Variants in CTNNA2 observed in about 807,000 individuals in gnomAD.
CTNNA2 encodes catenin alpha 2, also known as catenin alpha-2.
CTNNA2 carries 42 observed loss-of-function variants against 101.0 expected under a neutral mutation model. That is an observed-to-expected ratio of 0.42 (90% confidence interval 0.32 to 0.54). CTNNA2 has a LOEUF of 0.54. Ranked by LOEUF, CTNNA2 falls within the 20% of genes least tolerant of loss-of-function variation. The pLI, the probability that CTNNA2 is intolerant of heterozygous loss-of-function variation, is 0.14. For missense variants in CTNNA2, 871 were observed against 1,223.1 expected, an observed-to-expected ratio of 0.71 and a Z score of 4.29; for synonymous variants, 450 against 456.4, an observed-to-expected ratio of 0.99 and a Z score of 0.18.
chr2:79,266,786 G>T (rs1674992782), intron 2 of CTNNA2, among the ~76,000 whole-genome samples: 1 of 151,970 alleles, frequency 6.6e-6, no homozygotes, highest in Admixed American at 6.6e-5. Flanking sequence ...AAGCTTTCTG[G>T]GTGATGCTCG....
At chr2:80,216,729 T>C (rs1024037720) in intron 7 of CTNNA2, among the ~76,000 whole-genome samples, 6 of 152,172 alleles carry the variant, frequency 3.9e-5, no homozygotes, top group African/African-American at 9.7e-5. Context: ...TGTTGACAAG[T>C]AATTTGTTAT....
At chr2:80,636,801 A>C (rs1292416978) in intron 18 of CTNNA2, among the ~76,000 whole-genome samples, 7 of 152,086 alleles carry the variant, frequency 4.6e-5, no homozygotes, top group African/African-American at 7.2e-5. Context: ...TTGACTCTCT[A>C]TTATCAATAT....
At chr2:80,169,513 T>C (rs1316076709) in intron 7 of CTNNA2, among the ~76,000 whole-genome samples, 2 of 152,208 alleles carry the variant, frequency 1.3e-5, no homozygotes, top group African/African-American at 4.8e-5. Context: ...TAAGATATGG[T>C]ATTTCAGTCC....
chr2:80,601,147 G>T (rs1697465827), intron 15 of CTNNA2, among the ~76,000 whole-genome samples: 1 of 152,112 alleles, frequency 6.6e-6, no homozygotes. Context: ...ATTCTCGTAT[G>T]TATAAGCCTA....
chr2:80,274,693 G>T (rs569061542), intron 7 of CTNNA2, among the ~76,000 whole-genome samples: 1 of 152,192 alleles, frequency 6.6e-6, no homozygotes, highest in African/African-American at 2.4e-5. Flanking sequence ...CCTTTCTACA[G>T]GCTAGCTACA....
intron 2 of CTNNA2, among the ~76,000 whole-genome samples, chr2:79,221,982 T>C (rs934194017): frequency 3.9e-5 from 6 of 152,086 alleles, no homozygotes; most frequent in Non-Finnish European, 5.9e-5. Context: ...AATGAGGCCT[T>C]TTCTGTGTCC....
At chr2:80,507,986 G>A (rs1396144476) in intron 9 of CTNNA2, among the ~76,000 whole-genome samples, 4 of 152,132 alleles carry the variant, frequency 2.6e-5, no homozygotes, top group Admixed American at 6.6e-5. Flanking sequence ...ATCCTGGAGA[G>A]GCCCAGACCT....
chr2:80,153,426 C>A (rs1039638728), intron 7 of CTNNA2, among the ~76,000 whole-genome samples: 2 of 152,168 alleles, frequency 1.3e-5, no homozygotes, highest in Non-Finnish European at 2.9e-5. Flanking sequence ...AAACCTAATG[C>A]CTCACACTGA....
chr2:79,656,410 G>T (rs985657476), intron 2 of CTNNA2, among the ~76,000 whole-genome samples: 1 of 152,172 alleles, frequency 6.6e-6, no homozygotes, highest in East Asian at 1.9e-4. Flanking sequence ...AATATGCAAT[G>T]ATACAGTTTG....
intron 18 of CTNNA2, among the ~76,000 whole-genome samples, chr2:80,635,564 C>T (rs1672783735): frequency 6.6e-6 from 1 of 152,114 alleles, no homozygotes; most frequent in Non-Finnish European, 1.5e-5. Flanking sequence ...TAGTTAAGAG[C>T]TCATTCGTTA....
intron 7 of CTNNA2, among the ~76,000 whole-genome samples, chr2:79,976,119 A>G (rs931476535): frequency 2.0e-5 from 3 of 152,226 alleles, no homozygotes; most frequent in African/African-American, 7.2e-5. Context: ...TAGGAACTAC[A>G]TGTCAGGAAA....
intron 9 of CTNNA2, among the ~76,000 whole-genome samples, chr2:80,435,344 A>G (rs996937807): frequency 6.6e-6 from 1 of 152,234 alleles, no homozygotes; most frequent in Admixed American, 6.5e-5. Context: ...CTCTGAAATT[A>G]CCATTACTCA....
At chr2:79,408,869 C>G (rs1352362036) in intron 4 of CTNNA2, among the ~76,000 whole-genome samples, 4 of 151,502 alleles carry the variant, frequency 2.6e-5, no homozygotes, top group Admixed American at 6.6e-5. Context: ...CCTGAGGAAT[C>G]GCCACACTGA....
At chr2:80,258,094 T>C (rs1402023507) in intron 7 of CTNNA2, among the ~76,000 whole-genome samples, 1 of 152,212 alleles carries the variant, frequency 6.6e-6, no homozygotes, top group Non-Finnish European at 1.5e-5. Flanking sequence ...CATTTCACAA[T>C]ATGTTTCTAA....
At chr2:80,225,526 G>A (rs1708835517) in intron 7 of CTNNA2, among the ~76,000 whole-genome samples, 2 of 152,118 alleles carry the variant, frequency 1.3e-5, no homozygotes, top group Admixed American at 1.3e-4. Flanking sequence ...TGAGTCCTTT[G>A]TGATGTATAT....
At chr2:80,372,996 A>C (rs1008924990) in intron 7 of CTNNA2, among the ~76,000 whole-genome samples, 12 of 152,222 alleles carry the variant, frequency 7.9e-5, no homozygotes, top group African/African-American at 2.7e-4. Flanking sequence ...TCAGAATGTC[A>C]ATAGTGCTGA....
At chr2:80,569,676 T>C (rs1484070166) in intron 12 of CTNNA2, among the ~76,000 whole-genome samples, 127 of 132,220 alleles carry the variant, frequency 9.6e-4, no homozygotes, top group Non-Finnish European at 1.6e-3. Context: ...GGAGTCTTGC[T>C]CTGTTGCCCA....
At chr2:80,305,184 T>G (rs1676803068) in intron 7 of CTNNA2, 2 of 985,148 alleles carry the variant, frequency 2.0e-6, no homozygotes, top group Admixed American at 6.2e-5. Context: ...TTTTTGGGGT[T>G]TTTTCCCCCT....
chr2:80,395,232 T>G (rs1328019923), intron 8 of CTNNA2, among the ~76,000 whole-genome samples: 1 of 152,192 alleles, frequency 6.6e-6, no homozygotes, highest in Non-Finnish European at 1.5e-5. Flanking sequence ...AAGGAGTGTG[T>G]CCTTCCCTGA....
Sources: gnomAD v4.1 joint callset for allele counts (sites outside exome capture counted in the v4.1 genomes callset) on GRCh38, gnomAD v4.1.1 for gene constraint, MANE v1.5 for transcripts, NCBI Gene and HGNC (gene_info 2026-07-23, HGNC 2026-07-21) for gene names.